The following FDFT1 variants were observed in gnomAD, a reference collection of about 807,000 sequenced individuals.
The protein encoded by FDFT1 is squalene synthase.
Under a neutral mutation model 46.8 loss-of-function variants are expected in FDFT1, and 68 were observed. The observed-to-expected ratio is 1.45, with a 90% CI of 1.19 to 1.78. The LOEUF is 1.78. Among genes scored for constraint, FDFT1 ranks in the 40% most tolerant of loss-of-function variants. FDFT1 has a pLI of 0.00. For synonymous variants in FDFT1, 351 were observed against 185.1 expected, an observed-to-expected ratio of 1.90 and a Z score of -7.28; for missense variants, 928 against 524.4, an observed-to-expected ratio of 1.77 and a Z score of -7.52.
chr8:11,829,172 T>A (rs1810426467), intron 5 of FDFT1, among the ~76,000 whole-genome samples: 1 of 152,222 alleles, frequency 6.6e-6, no homozygotes, highest in Non-Finnish European at 1.5e-5. Flanking sequence ...TTTAACTGTA[T>A]GTATATATAC....
At chr8:11,819,782 G>A (rs758157376) in intron 3 of FDFT1, among the ~76,000 whole-genome samples, 1 of 151,942 alleles carries the variant, frequency 6.6e-6, no homozygotes, top group Non-Finnish European at 1.5e-5. Context: ...CCTTGCGATC[G>A]GTCAGAACGT....
intron 7 of FDFT1, among the ~76,000 whole-genome samples, chr8:11,835,478 T>C (rs1254992242): frequency 1.3e-5 from 2 of 152,226 alleles, no homozygotes; most frequent in Non-Finnish European, 2.9e-5. Flanking sequence ...TACCGGGGAC[T>C]GTCACAACCA....
chr8:11,799,719 G>A (rs1003655266), upstream of FDFT1, among the ~76,000 whole-genome samples: 2 of 152,110 alleles, frequency 1.3e-5, no homozygotes, highest in African/African-American at 4.8e-5. Context: ...AGGCTGAGGC[G>A]GGCGGATCAC....
rs189543500 is a variant in FDFT1, at chr8:11,811,758, G to A, written c.381+1908G>A. Among the ~76,000 whole-genome samples the A allele has an allele frequency of 1.7e-3, 259 of 152,298 alleles. 2 individuals carry two copies. Among genetic ancestry groups the A allele is most frequent in the African/African-American group, 2.8e-3 (117 of 41,566 alleles). Reference sequence around the variant, plus strand: ...GGAGCAGAAGGCGTAAGCCAGGCACGGCTGTTTTCACTGTTGTTCACCTTT... The same window carrying A: ...GGAGCAGAAGGCGTAAGCCAGGCACAGCTGTTTTCACTGTTGTTCACCTTT... On this transcript the variant is annotated intron_variant, in intron 3 of 7. Transcript: ENST00000220584.
At chr8:11,796,660 C>A (rs1397988326) in intron 1 of FDFT1, among the ~76,000 whole-genome samples, 1 of 152,164 alleles carries the variant, frequency 6.6e-6, no homozygotes, top group Admixed American at 6.5e-5. Context: ...AGGTAGGTGT[C>A]TTCAGTGATT....
chr8:11,820,507 A>C (rs576020317), intron 3 of FDFT1, among the ~76,000 whole-genome samples: 1 of 152,184 alleles, frequency 6.6e-6, no homozygotes, highest in Non-Finnish European at 1.5e-5. Context: ...GGCTCCACCC[A>C]GTTCAAGCTT....
chr8:11,800,640 C>T (rs998744003), upstream of FDFT1, among the ~76,000 whole-genome samples: 1 of 152,192 alleles, frequency 6.6e-6, no homozygotes, highest in Non-Finnish European at 1.5e-5. Flanking sequence ...CCACTATAAG[C>T]ATGCCAGGGC....
At chr8:11,819,430 T>C (rs562086235) in intron 3 of FDFT1, among the ~76,000 whole-genome samples, 7 of 152,282 alleles carry the variant, frequency 4.6e-5, no homozygotes, top group African/African-American at 1.7e-4. Context: ...CTGGATAATA[T>C]ACTGAAGAGT....
At chr8:11,803,259 A>C in intron 1 of FDFT1, 1 of 1,349,038 alleles carries the variant, frequency 7.4e-7, no homozygotes, top group Non-Finnish European at 9.7e-7. Flanking sequence ...ATCTGAGGCA[A>C]TGTGGGTGGG....
upstream of FDFT1, among the ~76,000 whole-genome samples, chr8:11,800,925 G>C (rs994700054): frequency 2.0e-5 from 3 of 152,066 alleles, no homozygotes; most frequent in Non-Finnish European, 4.4e-5. Context: ...CCAGTGGTAG[G>C]GACTTAGGAT....
At chr8:11,799,901 G>C (rs1031442168), upstream of FDFT1, among the ~76,000 whole-genome samples, 4 of 148,530 alleles carry the variant, frequency 2.7e-5, no homozygotes, top group Non-Finnish European at 4.4e-5. Flanking sequence ...AACCAAGATC[G>C]CGCCACTGCA....
At chr8:11,834,643 A>AT (rs1811294555) in intron 7 of FDFT1, among the ~76,000 whole-genome samples, 1 of 152,226 alleles carries the variant, frequency 6.6e-6, no homozygotes, top group East Asian at 1.9e-4. Context: ...TTTTGCTTTA[A>AT]TGGAAGTTTA....
At chr8:11,831,275 T>C (rs1027071414) in intron 6 of FDFT1, among the ~76,000 whole-genome samples, 1 of 152,262 alleles carries the variant, frequency 6.6e-6, no homozygotes, top group Non-Finnish European at 1.5e-5. Context: ...ATGGAACTTT[T>C]GTGGCTACAT....
chr8:11,808,410 G>C (rs889534965), intron 1 of FDFT1: 75 of 1,254,390 alleles, frequency 6.0e-5, no homozygotes, highest in Non-Finnish European at 7.3e-5. Flanking sequence ...TTGTGGGTCG[G>C]CCCAGCGCGT....
At chr8:11,829,494 G>T (rs1367577064) in intron 5 of FDFT1, among the ~76,000 whole-genome samples, 1 of 152,218 alleles carries the variant, frequency 6.6e-6, no homozygotes, top group South Asian at 2.1e-4. Flanking sequence ...TCTTACCAGA[G>T]TAGGAATATA....
intron 1 of FDFT1, chr8:11,808,295 C>T: frequency 5.7e-6 from 7 of 1,225,588 alleles, no homozygotes; most frequent in Non-Finnish European, 7.1e-6. Flanking sequence ...GCGCTGGGTT[C>T]CCTTAGCGGC....
intron 3 of FDFT1, among the ~76,000 whole-genome samples, chr8:11,813,758 G>A (rs1011935460): frequency 2.0e-5 from 3 of 152,200 alleles, no homozygotes; most frequent in African/African-American, 7.2e-5. Context: ...AAAGTGATCT[G>A]AGAACATAGA....
intron 4 of FDFT1, among the ~76,000 whole-genome samples, chr8:11,825,674 G>C (rs942636817): frequency 1.4e-5 from 2 of 142,754 alleles, no homozygotes; most frequent in Non-Finnish European, 3.0e-5. Context: ...GCAAATATAT[G>C]AGACTCCATC....
intron 3 of FDFT1, among the ~76,000 whole-genome samples, chr8:11,818,368 C>A (rs1011746315): frequency 6.6e-6 from 1 of 152,192 alleles, no homozygotes; most frequent in Non-Finnish European, 1.5e-5. Flanking sequence ...CTGTAGATGT[C>A]TGTTAGGTCT....
Sources: allele counts gnomAD v4.1 joint callset (sites outside exome capture counted in the v4.1 genomes callset), GRCh38; gene constraint gnomAD v4.1.1; transcripts MANE v1.5; gene names NCBI Gene and HGNC (gene_info 2026-07-23, HGNC 2026-07-21).